LHFPL3: variants seen among roughly 807,000 people sequenced by gnomAD.
The protein encoded by LHFPL3 is LHFPL tetraspan subfamily member 3, also known as LHFPL tetraspan subfamily member 3 protein.
Under a neutral mutation model 19.3 loss-of-function variants are expected in LHFPL3, and 5 were observed. The observed-to-expected ratio is 0.26, with a 90% CI of 0.14 to 0.54. The LOEUF is 0.54. Among genes scored for constraint, LHFPL3 ranks in the 20% least tolerant of loss-of-function variants. The pLI, the probability that LHFPL3 is intolerant of heterozygous loss-of-function variation, is 0.94. For synonymous variants in LHFPL3, 133 were observed against 126.2 expected (o/e 1.05, Z -0.36); for missense variants, 249 against 307.4 (o/e 0.81, Z 1.42).
At chr7:104,614,157 T>G (rs1407480418) in intron 1 of LHFPL3, among the ~76,000 whole-genome samples, 1 of 152,162 alleles carries the variant, frequency 6.6e-6, no homozygotes, top group Admixed American at 6.6e-5. Context: ...GATCTTATAA[T>G]CAGGAAGAAA....
At chr7:104,497,070 C>T (rs1443141498) in intron 1 of LHFPL3, among the ~76,000 whole-genome samples, 1 of 152,036 alleles carries the variant, frequency 6.6e-6, no homozygotes, top group East Asian at 1.9e-4. Context: ...ATTCCTTGGA[C>T]TATATGCTGG....
At chr7:104,633,623 A>T (rs1791681833) in intron 1 of LHFPL3, among the ~76,000 whole-genome samples, 1 of 152,174 alleles carries the variant, frequency 6.6e-6, no homozygotes, top group Non-Finnish European at 1.5e-5. Flanking sequence ...TGTACTGTCC[A>T]CTTGTTCATT....
chr7:104,732,031 G>A (rs1444363811), intron 1 of LHFPL3, among the ~76,000 whole-genome samples: 1 of 152,146 alleles, frequency 6.6e-6, no homozygotes, highest in Non-Finnish European at 1.5e-5. Flanking sequence ...TACGTTTATT[G>A]ATTTGCATAT....
chr7:104,430,426 A>G (rs1238717959), intron 1 of LHFPL3, among the ~76,000 whole-genome samples: 17 of 11,458 alleles, frequency 1.5e-3, no homozygotes, highest in South Asian at 3.9e-3. Context: ...ATACATATAT[A>G]TATATATATA....
At chr7:104,823,615 C>G (rs530515051) in intron 2 of LHFPL3, among the ~76,000 whole-genome samples, 16 of 152,236 alleles carry the variant, frequency 1.1e-4, no homozygotes, top group Middle Eastern at 3.4e-3. Flanking sequence ...ATAAAGATCA[C>G]TATAGATTTA....
At chr7:104,559,591 G>T in intron 1 of LHFPL3, among the ~76,000 whole-genome samples, 1 of 152,088 alleles carries the variant, frequency 6.6e-6, no homozygotes, top group Non-Finnish European at 1.5e-5. Flanking sequence ...CTGAGACGAT[G>T]GGGTTTTATA....
At chr7:104,408,956 C>G (rs1172883359) in intron 1 of LHFPL3, among the ~76,000 whole-genome samples, 10 of 148,694 alleles carry the variant, frequency 6.7e-5, no homozygotes, top group Non-Finnish European at 1.5e-4. Flanking sequence ...GCTCCGCCTC[C>G]GGGGCTCATG....
chr7:104,550,893 C>A (rs959645484), intron 1 of LHFPL3, among the ~76,000 whole-genome samples: 1 of 152,078 alleles, frequency 6.6e-6, no homozygotes, highest in African/African-American at 2.4e-5. Flanking sequence ...TTCAGCCACA[C>A]ACTTCATAAA....
At chr7:104,719,931 G>A (rs113993900) in intron 1 of LHFPL3, among the ~76,000 whole-genome samples, 1,865 of 152,206 alleles carry the variant, frequency 0.012, 35 homozygotes, top group African/African-American at 0.042. Context: ...ATAATGTCAA[G>A]GTTGGTCGAG....
chr7:104,667,679 A>T, intron 1 of LHFPL3: 3 of 1,119,934 alleles, frequency 2.7e-6, no homozygotes, highest in Non-Finnish European at 3.8e-6. Flanking sequence ...TTAACATGCC[A>T]TTATACATGC....
chr7:104,711,737 C>G (rs139519960), intron 1 of LHFPL3, among the ~76,000 whole-genome samples: 1 of 152,084 alleles, frequency 6.6e-6, no homozygotes, highest in Non-Finnish European at 1.5e-5. Context: ...AATCAAGAAA[C>G]GAGACAGAAC....
chr7:104,668,666 G>A, intron 1 of LHFPL3: 2 of 1,611,642 alleles, frequency 1.2e-6, no homozygotes, highest in South Asian at 1.1e-5. Context: ...ATCGGTCGTG[G>A]AGCTCCAGAG....
chr7:104,900,111 T>C (rs1237343890), intron 2 of LHFPL3, among the ~76,000 whole-genome samples: 2 of 152,224 alleles, frequency 1.3e-5, no homozygotes, highest in Non-Finnish European at 1.5e-5. Context: ...ACCTGTCTTC[T>C]GGGCTTCAAT....
chr7:104,873,274 T>C (rs906564727), intron 2 of LHFPL3, among the ~76,000 whole-genome samples: 2 of 152,240 alleles, frequency 1.3e-5, no homozygotes, highest in Non-Finnish European at 2.9e-5. Context: ...CAGGTTTATT[T>C]GGTCTTCAGA....
At chr7:104,593,346 G>C (rs952732061) in intron 1 of LHFPL3, among the ~76,000 whole-genome samples, 4 of 152,172 alleles carry the variant, frequency 2.6e-5, no homozygotes, top group African/African-American at 9.7e-5. Context: ...TAGTTGAGTG[G>C]TTTTGAGTGA....
intron 1 of LHFPL3, chr7:104,668,793 A>C (rs1310308477): frequency 6.9e-6 from 11 of 1,602,642 alleles, no homozygotes; most frequent in Admixed American, 3.4e-5. Flanking sequence ...TCTGCTAGTA[A>C]CTCCCAGTCC....
At chr7:104,536,866 T>A (rs9987005) in intron 1 of LHFPL3, among the ~76,000 whole-genome samples, 90,839 of 151,998 alleles carry the variant, frequency 0.6, 27,402 homozygotes, top group African/African-American at 0.67. Context: ...GCCACAAAAT[T>A]TCAATAACAG....
At chr7:104,766,751 T>A (rs949933646) in intron 2 of LHFPL3, among the ~76,000 whole-genome samples, 2 of 152,160 alleles carry the variant, frequency 1.3e-5, no homozygotes, top group African/African-American at 4.8e-5. Flanking sequence ...AGAGCAAACA[T>A]TCCTTTCTGC....
intron 1 of LHFPL3, among the ~76,000 whole-genome samples, chr7:104,333,134 G>A (rs1443726904): frequency 6.6e-6 from 1 of 152,136 alleles, no homozygotes; most frequent in Non-Finnish European, 1.5e-5. Context: ...CAATATTTCA[G>A]TTGGTTTCTG....
Sources: allele counts gnomAD v4.1 joint callset (sites outside exome capture counted in the v4.1 genomes callset), GRCh38; gene constraint gnomAD v4.1.1; transcripts MANE v1.5; gene names NCBI Gene and HGNC (gene_info 2026-07-23, HGNC 2026-07-21).